The following PER3 variants were observed in gnomAD, a reference collection of about 807,000 sequenced individuals.
PER3 encodes period circadian protein homolog 3.
Under a neutral mutation model 127.2 loss-of-function variants are expected in PER3, and 107 were observed. That is an observed-to-expected ratio of 0.84 (90% CI 0.72 to 0.99). PER3 has a LOEUF of 0.99. PER3 is among the 50% of genes least tolerant of loss of function. The probability of loss-of-function intolerance (pLI) is 0.00; values close to 1 mark genes in which losing one functional copy is unlikely to be tolerated. For synonymous variants in PER3, 618 were observed against 585.8 expected (o/e 1.05, Z -0.79); for missense variants, 1,560 against 1,525.8 (o/e 1.02, Z -0.37).
chr1:7,821,833 A>C (rs1232794191), intron 16 of PER3, among the ~76,000 whole-genome samples: 1 of 152,176 alleles, frequency 6.6e-6, no homozygotes, highest in Non-Finnish European at 1.5e-5. Context: ...ACATATCTCT[A>C]TGTCTTTTGC....
At chr1:7,795,617 A>G (rs2097141899) in intron 6 of PER3, among the ~76,000 whole-genome samples, 1 of 152,122 alleles carries the variant, frequency 6.6e-6, no homozygotes, top group Admixed American at 6.5e-5. Context: ...CTGTGGGAGG[A>G]GTGACACGGA....
At chr1:7,804,180 T>G (rs912666597) in intron 10 of PER3, among the ~76,000 whole-genome samples, 11 of 152,132 alleles carry the variant, frequency 7.2e-5, no homozygotes, top group Non-Finnish European at 1.6e-4. Context: ...CATACAAAAT[T>G]ATTTATACCT....
chr1:7,837,944 A>T (rs1334243148), intron 21 of PER3, among the ~76,000 whole-genome samples: 1 of 152,198 alleles, frequency 6.6e-6, no homozygotes. Flanking sequence ...GTGCACCTAT[A>T]GTCCCAACTA....
chr1:7,817,181 G>C (rs1272873385), intron 13 of PER3, among the ~76,000 whole-genome samples: 5 of 152,326 alleles, frequency 3.3e-5, no homozygotes, highest in African/African-American at 1.2e-4. Flanking sequence ...CAGAGGGACA[G>C]CTGTAAGGAC....
intron 19 of PER3, among the ~76,000 whole-genome samples, chr1:7,831,088 G>C (rs2097329537): frequency 6.6e-6 from 1 of 152,164 alleles, no homozygotes; most frequent in Non-Finnish European, 1.5e-5. Flanking sequence ...GATATTGAGT[G>C]TTTTGATCCA....
Position 7,827,655 on chromosome 1 carries a change from G to C in PER3, c.2726G>C (p.Arg909Thr), listed in dbSNP as rs896461983. 1 of 1,614,076 alleles carries C rather than the reference G, an allele frequency of 6.2e-7. No individual in the cohort carries two copies. Among genetic ancestry groups the C allele is most frequent in the Non-Finnish European group, 8.5e-7 (1 of 1,180,046 alleles). Residue 909 changes from arginine (R) to threonine (T), a missense_variant, in exon 18 of 22, where the codon AGG becomes ACG. Arg to Thr is a moderately conservative substitution (Grantham distance 71). Coordinates refer to ENST00000377532, the MANE Select transcript of PER3 (RefSeq NM_001377275.1). The part of the protein sequence containing the change: ...LDPPPSVTSQ[R>T]REEEKWEAQS... ...CCACCCCCTTCAGTCACCAGCCAAA[G>C]GAGAGAGGAGGAAAAGTGGGAGGCA...
intron 5 of PER3, among the ~76,000 whole-genome samples, chr1:7,792,304 A>G (rs1208148932): frequency 6.7e-6 from 1 of 148,154 alleles, no homozygotes; most frequent in African/African-American, 2.4e-5. Flanking sequence ...ATGAGAACTC[A>G]CTATCACGAG....
In PER3 at chr1:7,843,941, A is replaced by AT; in HGVS notation, c.*1188dup. 7.8e-7 allele frequency: 1 copy of AT among 1,283,390 alleles called. No homozygotes were observed. The highest frequency in any genetic ancestry group is 1.3e-5 in the South Asian group (1 of 76,876). 79.5% of individuals were successfully genotyped at this position (1,283,390 alleles called of 1,614,324 possible). A position where few individuals can be genotyped will look rare whatever the true frequency, so the allele number is the denominator to read the frequency against. On this transcript the variant is annotated 3_prime_UTR_variant, in exon 22 of 22. Coordinates refer to ENST00000377532, the MANE Select transcript of PER3 (RefSeq NM_001377275.1). ...TCTTAAACTTGGAATGATAGATGAAATTCACACCCCTGCAGATCAGAAAAA... is the reference window on the plus strand; with the variant it reads ...TCTTAAACTTGGAATGATAGATGAAATTTCACACCCCTGCAGATCAGAAAAA...
At chr1:7,814,956 G>A (rs879511796) in intron 13 of PER3, among the ~76,000 whole-genome samples, 1 of 152,074 alleles carries the variant, frequency 6.6e-6, no homozygotes, top group Admixed American at 6.6e-5. Flanking sequence ...TAATAGAGGA[G>A]GTAAAATGGA....
rs147283584 is a variant in PER3 at position 7,815,465 on chromosome 1, G to A, written c.1523-3820G>A. Among the ~76,000 whole-genome samples the A allele has an allele frequency of 1.4e-4, 21 of 152,330 alleles. No homozygotes were observed. In the East Asian group the frequency reaches 4.0e-3, roughly 29 times the overall value. ...CTTCAGAACAAGGAATGTTAGTAGAGTTAGAAAGAGAGACTGTGTAACAGA... is the reference window on the plus strand; with the variant it reads ...CTTCAGAACAAGGAATGTTAGTAGAATTAGAAAGAGAGACTGTGTAACAGA... On this transcript the variant is annotated intron_variant, in intron 13 of 21. Transcript: ENST00000377532.
chr1:7,815,787 C>T (rs2097246203), intron 13 of PER3, among the ~76,000 whole-genome samples: 2 of 150,976 alleles, frequency 1.3e-5, no homozygotes, highest in South Asian at 4.2e-4. Context: ...AGATCGAGAC[C>T]ATCCTGGCTA....
chr1:7,802,198 C>G (rs1558408120), intron 8 of PER3, among the ~76,000 whole-genome samples: 1 of 152,142 alleles, frequency 6.6e-6, no homozygotes, highest in Non-Finnish European at 1.5e-5. Context: ...GAACCTTTAT[C>G]CTGAAACTAT....
intron 7 of PER3, among the ~76,000 whole-genome samples, chr1:7,800,769 A>G (rs1248353401): frequency 4.0e-5 from 6 of 150,762 alleles, no homozygotes; most frequent in Admixed American, 2.0e-4. Context: ...GGAGGTTGCA[A>G]TGAGCCGAGA....
intron 19 of PER3, 82 bp downstream of exon 19, chr1:7,830,243 C>A: frequency 8.0e-7 from 1 of 1,245,438 alleles, no homozygotes; most frequent in Non-Finnish European, 1.1e-6. Flanking sequence ...GTGCCCCAGG[C>A]ACTGATGTGG....
intron 18 of PER3, among the ~76,000 whole-genome samples, chr1:7,828,869 A>G (rs148114015): frequency 1.5e-3 from 229 of 152,236 alleles, no homozygotes; most frequent in Middle Eastern, 3.4e-3. Flanking sequence ...TGTTTTGTTC[A>G]TTATTATATT....
At chr1:7,820,414 A>G (rs2097270867) in intron 15 of PER3, 53 bp from the exon 16 acceptor site, 2 of 1,541,122 alleles carry the variant, frequency 1.3e-6, no homozygotes, top group African/African-American at 2.7e-5. Context: ...CTTTTATGTA[A>G]ATTTCTCGTT....
intron 13 of PER3, among the ~76,000 whole-genome samples, chr1:7,817,939 T>C (rs539792312): frequency 6.6e-6 from 1 of 152,316 alleles, no homozygotes; most frequent in African/African-American, 2.4e-5. Flanking sequence ...GACACCATGT[T>C]AACCAATGAA....
chr1:7,823,503 A>G (rs1392544670), intron 16 of PER3, among the ~76,000 whole-genome samples: 2 of 152,104 alleles, frequency 1.3e-5, no homozygotes, highest in Non-Finnish European at 2.9e-5. Context: ...TTAGCTGGGC[A>G]TGGTGATGCA....
chr1:7,827,605 G>A lies in PER3; in HGVS notation c.2676G>A (p.Ser892=), dbSNP rs372433154. The part of the protein sequence containing the change: ...TASSAISPSM[S]SAMSPTLDPP... ...CTTCTGCGATATCACCCTCAATGTC[G>A]TCAGCAATGAGTCCAACTCTGGACC... The change falls in exon 18 of 22, where the codon TCG becomes TCA. Residue 892 remains serine (S), a synonymous_variant. Transcript: ENST00000377532. 6.8e-6 allele frequency: 11 copies of A among 1,613,964 alleles called. No homozygotes were observed. In the African/African-American group the frequency reaches 9.3e-5, roughly 14 times the overall value.
Sources: allele counts gnomAD v4.1 joint callset (sites outside exome capture counted in the v4.1 genomes callset), GRCh38; gene constraint gnomAD v4.1.1; transcripts MANE v1.5; gene names NCBI Gene and HGNC (gene_info 2026-07-23, HGNC 2026-07-21).